Variants in EFCAB11 observed in about 807,000 individuals in gnomAD.
EFCAB11 encodes the protein EF-hand calcium binding domain 11, also known as EF-hand calcium-binding domain-containing protein 11.
In EFCAB11, 14 loss-of-function variants were observed where a neutral mutation model predicts 23.0. The observed-to-expected ratio is 0.61, with a 90% CI of 0.40 to 0.95. EFCAB11 has a LOEUF of 0.95. Ranked by LOEUF, EFCAB11 falls within the 40% of genes least tolerant of loss-of-function variation. The pLI is 0.00. For synonymous variants in EFCAB11, 65 were observed against 66.6 expected (o/e 0.98, Z 0.11); for missense variants, 198 against 195.8 (o/e 1.01, Z -0.07).
intron 5 of EFCAB11, among the ~76,000 whole-genome samples, chr14:89,823,035 T>A (rs1886576540): frequency 6.6e-6 from 1 of 152,162 alleles, no homozygotes; most frequent in Non-Finnish European, 1.5e-5. Context: ...AGATTACACA[T>A]CCTGAACATA....
intron 5 of EFCAB11, among the ~76,000 whole-genome samples, chr14:89,868,264 T>C (rs1052585759): frequency 2.5e-4 from 38 of 152,210 alleles, no homozygotes; most frequent in African/African-American, 9.2e-4. Flanking sequence ...GCAAGACCAG[T>C]AGGACTAAGC....
intron 5 of EFCAB11, among the ~76,000 whole-genome samples, chr14:89,921,747 T>C (rs1006944420): frequency 2.6e-5 from 4 of 152,226 alleles, no homozygotes; most frequent in African/African-American, 9.6e-5. Flanking sequence ...CTGGAAATCT[T>C]TGGTCTTGAT....
chr14:89,808,681 T>TA (rs966604718), intron 5 of EFCAB11, among the ~76,000 whole-genome samples: 4 of 152,194 alleles, frequency 2.6e-5, no homozygotes, highest in Admixed American at 6.5e-5. Flanking sequence ...ATACATGACA[T>TA]AAAAAATGAA....
chr14:89,883,332 C>A (rs1447313131), intron 5 of EFCAB11, among the ~76,000 whole-genome samples: 1 of 152,138 alleles, frequency 6.6e-6, no homozygotes, highest in Non-Finnish European at 1.5e-5. Flanking sequence ...TGCCATTAAG[C>A]TTTGTCAAAA....
intron 5 of EFCAB11, among the ~76,000 whole-genome samples, chr14:89,858,656 ATTTTTTTTT>A (rs10648464): frequency 6.7e-5 from 6 of 88,990 alleles, no homozygotes; most frequent in East Asian, 3.2e-4. Flanking sequence ...CACCCAGCTA[ATTTTTTTTT>A]TTTTTTTTTT....
intron 3 of EFCAB11, among the ~76,000 whole-genome samples, chr14:89,944,300 G>A (rs1263242403): frequency 6.6e-6 from 1 of 152,186 alleles, no homozygotes; most frequent in East Asian, 1.9e-4. Flanking sequence ...AATCTCGTGA[G>A]ACTTATTCAC....
intron 5 of EFCAB11, among the ~76,000 whole-genome samples, chr14:89,824,953 C>G (rs1886640859): frequency 6.6e-6 from 1 of 151,844 alleles, no homozygotes; most frequent in Non-Finnish European, 1.5e-5. Flanking sequence ...TGAGAGAACA[C>G]AGAGACAGGA....
intron 5 of EFCAB11, among the ~76,000 whole-genome samples, chr14:89,855,229 A>C (rs943127879): frequency 2.0e-5 from 3 of 151,300 alleles, no homozygotes; most frequent in African/African-American, 7.3e-5. Flanking sequence ...TAATCCCAGC[A>C]CTTTGGGAGG....
chr14:89,922,566 T>G (rs1401411461), intron 5 of EFCAB11, among the ~76,000 whole-genome samples: 1 of 152,168 alleles, frequency 6.6e-6, no homozygotes, highest in African/African-American at 2.4e-5. Flanking sequence ...ACTCCTGACC[T>G]TAACATGGTG....
chr14:89,831,017 T>C (rs115050009), intron 5 of EFCAB11: 2 of 152,334 alleles, frequency 1.3e-5, no homozygotes, highest in Non-Finnish European at 2.9e-5. Flanking sequence ...GACTTATTTA[T>C]TGGGTGGAGA....
chr14:89,950,902 C>T (rs1891142904), intron 2 of EFCAB11, among the ~76,000 whole-genome samples: 1 of 152,086 alleles, frequency 6.6e-6, no homozygotes, highest in African/African-American at 2.4e-5. Flanking sequence ...TCCCCTCCTA[C>T]CCTTAAATGC....
At chr14:89,821,922 C>G (rs1373479736) in intron 5 of EFCAB11, among the ~76,000 whole-genome samples, 1 of 152,178 alleles carries the variant, frequency 6.6e-6, no homozygotes, top group Non-Finnish European at 1.5e-5. Flanking sequence ...TACAAAATAT[C>G]ATTCAAATTT....
At chr14:89,874,863 G>C (rs1227567292) in intron 5 of EFCAB11, among the ~76,000 whole-genome samples, 2 of 151,708 alleles carry the variant, frequency 1.3e-5, no homozygotes, top group African/African-American at 4.8e-5. Flanking sequence ...CTGCACTCTA[G>C]CCTGGGCAAC....
At chr14:89,797,460 G>C (rs1885613499) in intron 5 of EFCAB11, 136 bp from the exon 6 acceptor site, 1 of 621,090 alleles carries the variant, frequency 1.6e-6, no homozygotes, top group Admixed American at 3.1e-5. Context: ...GGCTGAGATT[G>C]ATGCCTGTTT....
At position 89,847,185 on chromosome 14, in the gene EFCAB11, C is replaced by G. The variant is rs566126694; in HGVS notation, c.411-49861G>C. ...TTTTCATATTGCCAAATCCAAATAA[C>G]CTTTTTAAATTCTTACCCTTTTTGA... On this transcript the variant is annotated intron_variant, in intron 5 of 5. Transcript: ENST00000316738. Among the ~76,000 whole-genome samples, 3 of 152,318 alleles carry G rather than the reference C, an allele frequency of 2.0e-5. No individual in the cohort carries two copies. The East Asian group carries it at 5.8e-4, about 29-fold the overall frequency.
intron 5 of EFCAB11, among the ~76,000 whole-genome samples, chr14:89,924,999 C>A (rs898960515): frequency 1.3e-5 from 2 of 152,138 alleles, no homozygotes; most frequent in South Asian, 2.1e-4. Flanking sequence ...TAATCATAAA[C>A]ACTGTGTTTT....
At chr14:89,928,262 A>C (rs1021067252) in intron 5 of EFCAB11, among the ~76,000 whole-genome samples, 21 of 152,200 alleles carry the variant, frequency 1.4e-4, no homozygotes, top group Non-Finnish European at 2.1e-4. Flanking sequence ...TACTATGTAC[A>C]TGGTTAAAGT....
intron 5 of EFCAB11, among the ~76,000 whole-genome samples, chr14:89,826,723 A>T (rs1199421608): frequency 6.6e-6 from 1 of 152,112 alleles, no homozygotes; most frequent in Non-Finnish European, 1.5e-5. Context: ...TTTCCATAAG[A>T]ATGCCACTAA....
intron 5 of EFCAB11, among the ~76,000 whole-genome samples, chr14:89,819,958 T>A (rs1018998619): frequency 6.6e-6 from 1 of 152,170 alleles, no homozygotes; most frequent in African/African-American, 2.4e-5. Flanking sequence ...GAAATCCCAA[T>A]CCAACAATAG....
Sources: gnomAD v4.1 joint callset for allele counts (sites outside exome capture counted in the v4.1 genomes callset) on GRCh38, gnomAD v4.1.1 for gene constraint, MANE v1.5 for transcripts, NCBI Gene and HGNC (gene_info 2026-07-23, HGNC 2026-07-21) for gene names.